The following RGS7 variants were observed in gnomAD, a reference collection of about 807,000 sequenced individuals.
RGS7 encodes the protein regulator of G protein signaling 7.
RGS7 carries 27 observed loss-of-function variants against 81.1 expected under a neutral mutation model. The observed-to-expected ratio is 0.33, with a 90% CI of 0.25 to 0.46. The LOEUF is 0.46. Among genes scored for constraint, RGS7 ranks in the 20% least tolerant of loss-of-function variants. The probability of loss-of-function intolerance (pLI) is 1.00; values close to 1 mark genes in which losing one functional copy is unlikely to be tolerated. For synonymous variants in RGS7, 208 were observed against 207.7 expected (o/e 1.00, Z -0.01); for missense variants, 396 against 607.4 (o/e 0.65, Z 3.66).
rs143648198 is a variant in RGS7, at chr1:240,988,704, A to G, written c.176-5575T>C. 5.9e-5 allele frequency among the ~76,000 whole-genome samples: 9 copies of G among 152,366 alleles called. No individual in the cohort carries two copies. The East Asian group carries it at 1.7e-3, about 29-fold the overall frequency. On this transcript the variant is annotated intron_variant, in intron 3 of 18. Transcript: ENST00000440928. ...CAAAGGAGCAGGAGAGATGAACTCC[A>G]GCCCAGCTACAGACTATGTTCTCTA...
intron 6 of RGS7, among the ~76,000 whole-genome samples, chr1:240,928,891 G>A (rs986635341): frequency 7.9e-5 from 12 of 152,144 alleles, no homozygotes; most frequent in Non-Finnish European, 1.0e-4. Flanking sequence ...GATTATAGGC[G>A]TGAACCACTG....
intron 3 of RGS7, among the ~76,000 whole-genome samples, chr1:241,083,240 A>G (rs1347228023): frequency 6.8e-6 from 1 of 146,196 alleles, no homozygotes; most frequent in Non-Finnish European, 1.5e-5. Context: ...AAAAAAAAAA[A>G]AGAAAAAGAA....
At position 241,148,782 on chromosome 1, in the gene RGS7, C is replaced by CAT. The variant is rs754118752; in HGVS notation, c.79-50022_79-50021dup. On this transcript the variant is annotated intron_variant, in intron 2 of 18. Coordinates refer to ENST00000440928, the MANE Select transcript of RGS7 (RefSeq NM_001364886.1). ...CATAAAAACAGAATATACTATTTGT[C>CAT]ATATATATATGTATGTGCGTATGCA... Among the ~76,000 whole-genome samples, 240 of 152,306 alleles carry CAT rather than the reference C, an allele frequency of 1.6e-3. 7 individuals carry two copies. The highest frequency in any genetic ancestry group is 8.7e-4 in the Non-Finnish European group (59 of 68,032).
chr1:240,912,639 G>A (rs1257414612), intron 6 of RGS7, among the ~76,000 whole-genome samples: 2 of 152,172 alleles, frequency 1.3e-5, no homozygotes, highest in South Asian at 2.1e-4. Context: ...TTCTTTTGCT[G>A]AGTTCAAATT....
chr1:241,011,955 A>C (rs1331176036), intron 3 of RGS7, among the ~76,000 whole-genome samples: 3 of 152,052 alleles, frequency 2.0e-5, no homozygotes, highest in Non-Finnish European at 2.9e-5. Flanking sequence ...GCTGTTCTTT[A>C]TTAATAAAGC....
intron 6 of RGS7, among the ~76,000 whole-genome samples, chr1:240,871,720 T>C (rs1572520161): frequency 6.6e-6 from 1 of 152,326 alleles, no homozygotes; most frequent in African/African-American, 2.4e-5. Flanking sequence ...TCTAAAATGT[T>C]CTAAGCAGTT....
chr1:240,790,433 T>C (rs987404992), intron 18 of RGS7, among the ~76,000 whole-genome samples: 1 of 152,126 alleles, frequency 6.6e-6, no homozygotes, highest in African/African-American at 2.4e-5. Flanking sequence ...AGTGCTGGGA[T>C]TACAGGCACA....
At chr1:241,176,414 A>C (rs1187555929) in intron 2 of RGS7, among the ~76,000 whole-genome samples, 1 of 152,136 alleles carries the variant, frequency 6.6e-6, no homozygotes, top group Admixed American at 6.5e-5. Context: ...ATGAAGGGAA[A>C]AGTGCTGATA....
intron 5 of RGS7, among the ~76,000 whole-genome samples, chr1:240,932,931 T>TTGC (rs1675819011): frequency 7.7e-6 from 1 of 129,988 alleles, no homozygotes; most frequent in African/African-American, 2.9e-5. Context: ...TCGCCCAGGC[T>TTGC]GGACTGCAGT....
intron 4 of RGS7, among the ~76,000 whole-genome samples, chr1:240,944,175 C>T (rs1678083874): frequency 6.7e-6 from 1 of 150,242 alleles, no homozygotes; most frequent in Non-Finnish European, 1.5e-5. Flanking sequence ...CATTATACAG[C>T]CTATATGATA....
At chr1:240,783,422 G>A (rs1684459274) in intron 18 of RGS7, among the ~76,000 whole-genome samples, 2 of 150,676 alleles carry the variant, frequency 1.3e-5, no homozygotes, top group Non-Finnish European at 2.9e-5. Context: ...ATGAGTTTGA[G>A]ACCAGCACGG....
intron 18 of RGS7, among the ~76,000 whole-genome samples, chr1:240,779,417 A>T (rs1342077524): frequency 6.6e-6 from 1 of 152,158 alleles, no homozygotes; most frequent in Non-Finnish European, 1.5e-5. Flanking sequence ...GGCCTCCCAA[A>T]GTGCTGGGAT....
rs746360242 is a variant in RGS7 at position 241,327,130 on chromosome 1, GAAAGAAAGAAAGAAAGGAAA to G, written c.78+28549_78+28568del. On this transcript the variant is annotated intron_variant, in intron 2 of 18. Coordinates refer to ENST00000440928, the MANE Select transcript of RGS7 (RefSeq NM_001364886.1). ...AGAAAGAAAGAAAGAAAGAAAGAAA[GAAAGAAAGAAAGAAAGGAAA>G]GAAAGAAAGAAAGAAACACACAGAC... 5.5e-3 allele frequency among the ~76,000 whole-genome samples: 564 copies of G among 101,692 alleles called. 1 individual carries two copies. The highest frequency in any genetic ancestry group is 0.01 in the Middle Eastern group (2 of 192). The allele number at this position is 101,692 out of a possible 152,430, so 66.7% of individuals were successfully genotyped here.
chr1:241,060,838 G>A (rs987233109), intron 3 of RGS7, among the ~76,000 whole-genome samples: 1 of 152,110 alleles, frequency 6.6e-6, no homozygotes, highest in Non-Finnish European at 1.5e-5. Flanking sequence ...AGCGTTACAA[G>A]AATAGCTTAA....
intron 4 of RGS7, among the ~76,000 whole-genome samples, chr1:240,957,700 T>C (rs1255692600): frequency 1.3e-5 from 2 of 152,248 alleles, no homozygotes; most frequent in Admixed American, 6.5e-5. Context: ...GTACCAATAT[T>C]GGTTCATTGG....
intron 6 of RGS7, chr1:240,920,549 A>G: frequency 1.2e-6 from 1 of 855,046 alleles, no homozygotes; most frequent in Non-Finnish European, 2.0e-6. Flanking sequence ...TCAAACCATG[A>G]AACTAAGGTG....
chr1:241,127,762 A>ATT (rs1558752273), intron 2 of RGS7, among the ~76,000 whole-genome samples: 2 of 152,260 alleles, frequency 1.3e-5, no homozygotes, highest in Non-Finnish European at 2.9e-5. Context: ...AAAAGTTTAA[A>ATT]TAGTGTTGAC....
intron 6 of RGS7, chr1:240,920,348 T>C: frequency 2.0e-6 from 3 of 1,534,126 alleles, no homozygotes; most frequent in Non-Finnish European, 2.7e-6. Context: ...GCAGCTGTTG[T>C]GGTGGTGGAT....
chr1:240,797,448 T>C (rs2103035897), intron 18 of RGS7, among the ~76,000 whole-genome samples: 1 of 152,204 alleles, frequency 6.6e-6, no homozygotes, highest in African/African-American at 2.4e-5. Flanking sequence ...GCCTCCTGAG[T>C]TCAAGCAATT....
Sources: gnomAD v4.1 joint callset for allele counts (sites outside exome capture counted in the v4.1 genomes callset) on GRCh38, gnomAD v4.1.1 for gene constraint, MANE v1.5 for transcripts, NCBI Gene and HGNC (gene_info 2026-07-23, HGNC 2026-07-21) for gene names.